Variants in CMPK1 observed in about 807,000 individuals in gnomAD.
CMPK1 encodes UMP-CMP kinase.
Under a neutral mutation model 25.7 loss-of-function variants are expected in CMPK1, and 10 were observed. That is an observed-to-expected ratio of 0.39 (90% CI 0.24 to 0.66). The LOEUF (loss-of-function observed/expected upper bound fraction) is 0.66. Among genes scored for constraint, CMPK1 ranks in the 30% least tolerant of loss-of-function variants. The pLI is 0.48. For synonymous variants in CMPK1, 106 were observed against 101.5 expected (o/e 1.04, Z -0.27); for missense variants, 199 against 280.5 (o/e 0.71, Z 2.08).
At chr1:47,349,616 C>T (rs1646507774) in intron 1 of CMPK1, among the ~76,000 whole-genome samples, 1 of 152,156 alleles carries the variant, frequency 6.6e-6, no homozygotes, top group Admixed American at 6.5e-5. Context: ...TCATCTAGAA[C>T]TTCACAGTGG....
intron 1 of CMPK1, among the ~76,000 whole-genome samples, chr1:47,343,358 G>T (rs950909048): frequency 6.4e-3 from 4 of 624 alleles, no homozygotes; most frequent in African/African-American, 0.027. Flanking sequence ...AGCATTTTGG[G>T]AGCCAAGGCG....
At chr1:47,345,756 C>CT (rs1002903094) in intron 1 of CMPK1, among the ~76,000 whole-genome samples, 75 of 140,364 alleles carry the variant, frequency 5.3e-4, no homozygotes, top group Admixed American at 1.1e-3. Context: ...TGCACCTGGC[C>CT]TTTTTTTTTT....
rs4926832 is a variant in CMPK1, at chr1:47,359,046, C to T, written c.172-9423C>T. Among the ~76,000 whole-genome samples the T allele has an allele frequency of 4.9e-4, 75 of 152,222 alleles. 1 individual carries two copies. The highest frequency in any genetic ancestry group is 1.3e-3 in the African/African-American group (52 of 41,514). ...ATAAGAAAGAAGTACAGGCCAGGCG[C>T]GGTGGCTCACACCTGTAATCCGTGC... On this transcript the variant is annotated intron_variant, in intron 1 of 5. Coordinates refer to ENST00000371873, the MANE Select transcript of CMPK1 (RefSeq NM_016308.3).
At chr1:47,354,166 T>C (rs147526173) in intron 1 of CMPK1, among the ~76,000 whole-genome samples, 221 of 151,798 alleles carry the variant, frequency 1.5e-3, no homozygotes, top group South Asian at 2.7e-3. Context: ...CTACAAAAAA[T>C]AAAAAAATGA....
intron 1 of CMPK1, among the ~76,000 whole-genome samples, chr1:47,352,791 A>G (rs2622924): frequency 0.97 from 148,214 of 152,252 alleles, 72,237 homozygotes; most frequent in East Asian, 1. Context: ...TCTGCTGTAC[A>G]TTATAGAAAT....
At chr1:47,337,205 C>G (rs1456161431) in intron 1 of CMPK1, among the ~76,000 whole-genome samples, 1 of 152,136 alleles carries the variant, frequency 6.6e-6, no homozygotes, top group Non-Finnish European at 1.5e-5. Flanking sequence ...ATGGCATGAA[C>G]CGGGGAGGCG....
intron 1 of CMPK1, among the ~76,000 whole-genome samples, chr1:47,342,989 T>G (rs1172087715): frequency 2.7e-4 from 1 of 3,760 alleles, no homozygotes; most frequent in Admixed American, 0.033. Context: ...ACCATTTGTA[T>G]TTTTTTTTTT....
At chr1:47,335,584 C>T (rs1180574576) in intron 1 of CMPK1, among the ~76,000 whole-genome samples, 1 of 147,060 alleles carries the variant, frequency 6.8e-6, no homozygotes, top group East Asian at 2.0e-4. Flanking sequence ...TTGCGGTGAG[C>T]CCATATCGCG....
chr1:47,375,013 C>G (rs1375666570), intron 4 of CMPK1, 28 bp downstream of exon 4: 3 of 1,537,646 alleles, frequency 2.0e-6, no homozygotes, highest in East Asian at 2.2e-5. Flanking sequence ...CATACAACCA[C>G]TTCAATCCCA....
rs1391783223 is a variant in CMPK1 at position 47,375,179 on chromosome 1, T to C, written c.549-18T>C. ...AGGATAGATACCTAGAACCTTGCAA[T>C]ATTTACTTCTTTTGCAGAATTCAGA... is the stretch of plus-strand genomic sequence containing the variant. On this transcript the variant is annotated intron_variant, in intron 4 of 5. Transcript: ENST00000371873. 3 of 1,568,598 alleles carry C rather than the reference T, an allele frequency of 1.9e-6. No individual in the cohort carries two copies. Among genetic ancestry groups the C allele is most frequent in the Non-Finnish European group, 2.6e-6 (3 of 1,141,158 alleles).
chr1:47,346,826 C>T (rs184280108), intron 1 of CMPK1, among the ~76,000 whole-genome samples: 2 of 151,300 alleles, frequency 1.3e-5, no homozygotes, highest in East Asian at 3.9e-4. Flanking sequence ...TCCTCTCCCC[C>T]TCCCCATCTC....
chr1:47,351,132 G>A (rs1325693368), intron 1 of CMPK1, among the ~76,000 whole-genome samples: 2 of 152,054 alleles, frequency 1.3e-5, no homozygotes, highest in East Asian at 1.9e-4. Context: ...TGCCCAGGGT[G>A]GAGTTCAGTG....
At chr1:47,376,622 G>T in intron 5 of CMPK1, 82 bp from the exon 6 acceptor site, 2 of 906,942 alleles carry the variant, frequency 2.2e-6, no homozygotes, top group South Asian at 1.5e-5. Flanking sequence ...CGCCAAATTT[G>T]ATTATTTTTA....
chr1:47,362,255 C>T (rs556400158), intron 1 of CMPK1, among the ~76,000 whole-genome samples: 12 of 151,590 alleles, frequency 7.9e-5, no homozygotes, highest in East Asian at 3.9e-4. Flanking sequence ...CTGCAACCTC[C>T]GCCTTCTGGG....
chr1:47,359,593 T>G (rs184400632), intron 1 of CMPK1, among the ~76,000 whole-genome samples: 29 of 151,878 alleles, frequency 1.9e-4, no homozygotes, highest in African/African-American at 6.5e-4. Flanking sequence ...TTCACCATGT[T>G]GGCCAGGCTG....
intron 1 of CMPK1, chr1:47,358,443 T>C (rs1646578549): frequency 1.7e-6 from 2 of 1,194,642 alleles, no homozygotes; most frequent in East Asian, 6.4e-5. Context: ...CTTCAAGAGA[T>C]TCTTCTAGTT....
At chr1:47,364,794 C>CA (rs1417317345) in intron 1 of CMPK1, among the ~76,000 whole-genome samples, 1 of 149,598 alleles carries the variant, frequency 6.7e-6, no homozygotes, top group Non-Finnish European at 1.5e-5. Flanking sequence ...TTTTTAGAGA[C>CA]AGAGTCTTGC....
Position 47,349,953 on chromosome 1 carries a change from C to T in CMPK1, c.171+15837C>T, listed in dbSNP as rs183488761. ...CTAAGTAGCTGGGATTACAGGCACGCGCCACCACGCCCAGCTAATTTTTTG... is the reference window on the plus strand; with the variant it reads ...CTAAGTAGCTGGGATTACAGGCACGTGCCACCACGCCCAGCTAATTTTTTG... On this transcript the variant is annotated intron_variant, in intron 1 of 5. Coordinates refer to ENST00000371873, the MANE Select transcript of CMPK1 (RefSeq NM_016308.3). Among the ~76,000 whole-genome samples the T allele has an allele frequency of 3.6e-3, 553 of 152,164 alleles. 1 individual carries two copies. Among genetic ancestry groups the T allele is most frequent in the Admixed American group, 7.6e-3 (116 of 15,280 alleles).
chr1:47,361,116 C>T (rs960545997), intron 1 of CMPK1, among the ~76,000 whole-genome samples: 1 of 151,994 alleles, frequency 6.6e-6, no homozygotes, highest in South Asian at 2.1e-4. Context: ...ACTTGTTGGG[C>T]GTGGTGGCTC....
Sources: allele counts gnomAD v4.1 joint callset (sites outside exome capture counted in the v4.1 genomes callset), GRCh38; gene constraint gnomAD v4.1.1; transcripts MANE v1.5; gene names NCBI Gene and HGNC (gene_info 2026-07-23, HGNC 2026-07-21).